The following LOC400499 variants were observed in gnomAD, a reference collection of about 807,000 sequenced individuals.
the LOC400499 span, chr16:11,411,230 G>A: frequency 1.0e-5 from 4 of 399,344 alleles, no homozygotes; most frequent in East Asian, 1.4e-4. Context: ...GAGCCAGGCA[G>A]CTGGGGCACA....
the LOC400499 span, among the ~76,000 whole-genome samples, chr16:11,403,030 C>T: frequency 2.0e-5 from 3 of 152,220 alleles, no homozygotes; most frequent in Admixed American, 2.0e-4. Context: ...GGCCTCCACA[C>T]CCCGGGTTTT....
At chr16:11,478,077 C>G in the LOC400499 span, 10 of 395,624 alleles carry the variant, frequency 2.5e-5, no homozygotes, top group Admixed American at 2.2e-4. Context: ...CTTTGGGAGG[C>G]CGAGACGGGT....
At chr16:11,515,403 C>A in the LOC400499 span, among the ~76,000 whole-genome samples, 2 of 152,034 alleles carry the variant, frequency 1.3e-5, no homozygotes, top group Admixed American at 1.3e-4. Flanking sequence ...CTGCACTGAG[C>A]CATGATCACA....
the LOC400499 span, among the ~76,000 whole-genome samples, chr16:11,497,032 G>C: frequency 6.6e-6 from 1 of 150,716 alleles, no homozygotes. Context: ...GTGTGTGTAG[G>C]TCTGTGTGTG....
chr16:11,500,640 G>C, the LOC400499 span, among the ~76,000 whole-genome samples: 105,345 of 151,836 alleles, frequency 0.69, 36,790 homozygotes, highest in Admixed American at 0.77. Flanking sequence ...ACCAAAGGTT[G>C]CCTTGAACCC....
At chr16:11,383,610 G>C in the LOC400499 span, 1 of 1,232,182 alleles carries the variant, frequency 8.1e-7, no homozygotes. Context: ...ATGCCAGACG[G>C]GGCAGAGTGC....
At chr16:11,445,834 CT>C in the LOC400499 span, among the ~76,000 whole-genome samples, 88 of 143,976 alleles carry the variant, frequency 6.1e-4, no homozygotes, top group African/African-American at 1.2e-3. Context: ...TCAGGAGAAC[CT>C]TTTTTTTTTT....
the LOC400499 span, among the ~76,000 whole-genome samples, chr16:11,495,196 G>A: frequency 5.0e-5 from 7 of 140,378 alleles, no homozygotes; most frequent in South Asian, 9.5e-4. Flanking sequence ...GTGGCAGAGC[G>A]AAACTCTGTC....
chr16:11,475,384 A>G, the LOC400499 span, among the ~76,000 whole-genome samples: 89,267 of 152,166 alleles, frequency 0.59, 27,581 homozygotes, highest in African/African-American at 0.79. Flanking sequence ...ATCATCTCTG[A>G]AAAAAGGCAT....
At chr16:11,424,073 C>A in the LOC400499 span, 4 of 399,150 alleles carry the variant, frequency 1.0e-5, no homozygotes, top group Non-Finnish European at 1.8e-5. Context: ...CCACTGGCCC[C>A]CGAGAGGGCC....
chr16:11,490,097 C>T, the LOC400499 span, among the ~76,000 whole-genome samples: 1 of 152,106 alleles, frequency 6.6e-6, no homozygotes, highest in Admixed American at 6.5e-5. Context: ...ATGCTAAAGA[C>T]AAAAAGCAAG....
the LOC400499 span, chr16:11,392,350 G>A: frequency 5.0e-6 from 2 of 398,828 alleles, no homozygotes; most frequent in Non-Finnish European, 8.8e-6. Context: ...CCTGGCAGCC[G>A]CGCGCGGCCA....
the LOC400499 span, among the ~76,000 whole-genome samples, chr16:11,504,507 T>C: frequency 6.6e-6 from 1 of 151,818 alleles, no homozygotes; most frequent in African/African-American, 2.4e-5. Flanking sequence ...TGAGCCGAGA[T>C]TACGCCACTG....
At chr16:11,410,811 G>T in the LOC400499 span, among the ~76,000 whole-genome samples, 2 of 152,378 alleles carry the variant, frequency 1.3e-5, no homozygotes, top group East Asian at 3.9e-4. Context: ...AGCTCAGAGG[G>T]ACAGAGGAAC....
chr16:11,524,452 G>T, the LOC400499 span, among the ~76,000 whole-genome samples: 1 of 145,166 alleles, frequency 6.9e-6, no homozygotes, highest in Non-Finnish European at 1.5e-5. Context: ...TTTGAACCCA[G>T]GCACTCTGGC....
the LOC400499 span, among the ~76,000 whole-genome samples, chr16:11,495,762 T>C: frequency 6.6e-6 from 1 of 152,090 alleles, no homozygotes; most frequent in African/African-American, 2.4e-5. Context: ...GCCTTTCTTA[T>C]CATTCCCATT....
chr16:11,381,385 G>T, the LOC400499 span, among the ~76,000 whole-genome samples: 5 of 152,050 alleles, frequency 3.3e-5, no homozygotes, highest in Non-Finnish European at 5.9e-5. Context: ...ACAAGTGTGA[G>T]CCACCACACC....
the LOC400499 span, chr16:11,384,197 GGCAGGTGCACCCGCTCACCT>G: frequency 8.1e-7 from 1 of 1,227,694 alleles, no homozygotes; most frequent in Non-Finnish European, 1.0e-6. Flanking sequence ...AAGCAGGACA[GGCAGGTGCACCCGCTCACCT>G]GCCAGGCCAG....
the LOC400499 span, chr16:11,431,333 G>T: frequency 2.5e-6 from 1 of 398,264 alleles, no homozygotes; most frequent in East Asian, 3.6e-5. Flanking sequence ...CCTGGGACAA[G>T]GACATAACCT....
Sources: gnomAD v4.1 joint callset for allele counts (sites outside exome capture counted in the v4.1 genomes callset) on GRCh38, gnomAD v4.1.1 for gene constraint, MANE v1.5 for transcripts.